MYEOV: variants seen among roughly 807,000 people sequenced by gnomAD.
MYEOV encodes the protein myeloma overexpressed.
In MYEOV, 4 loss-of-function variants were observed where a neutral mutation model predicts 4.5. That is an observed-to-expected ratio of 0.89 (90% CI 0.44 to 2.03). MYEOV has a LOEUF of 2.03. MYEOV is among the 30% of genes most tolerant of loss of function. MYEOV has a pLI of 0.03. For missense variants in MYEOV, 408 were observed against 412.8 expected (o/e 0.99, Z 0.10); for synonymous variants, 184 against 170.3 (o/e 1.08, Z -0.63).
chr11:69,297,015 A>G lies in MYEOV; in HGVS notation c.*623A>G, dbSNP rs1309825125. On this transcript the variant is annotated 3_prime_UTR_variant, in exon 3 of 3. Transcript: ENST00000441339. The stretch of plus-strand genomic sequence containing the variant: ...TCCAGGGAGAAATCTAAGGCGTCAG[A>G]ATGTAAGGTTCTTATTGGAACCCAG... 1 of 152,176 alleles carries G rather than the reference A, an allele frequency of 6.6e-6. No homozygotes were observed. Among genetic ancestry groups the G allele is most frequent in the Non-Finnish European group, 1.5e-5 (1 of 68,024 alleles). The allele number at this position is 152,176 out of a possible 1,614,324, so 9.4% of individuals were successfully genotyped here.
At position 69,295,935 on chromosome 11, in the gene MYEOV, T is replaced by C. The variant is rs1855175216; in HGVS notation, c.485T>C (p.Val162Ala). The C allele has an allele frequency of 6.2e-7, 1 of 1,614,004 alleles. No individual in the cohort carries two copies. Among genetic ancestry groups the C allele is most frequent in the Admixed American group, 1.7e-5 (1 of 60,006 alleles). ...SGSQSARVVG[V>A]AHLGEAFRVG... ...AGTCAGTCTGCAAGGGTGGTGGGCGTTGCTCACCTGGGAGAAGCCTTTAGA... is the reference window on the plus strand; with the variant it reads ...AGTCAGTCTGCAAGGGTGGTGGGCGCTGCTCACCTGGGAGAAGCCTTTAGA... The change falls in exon 3 of 3, where the codon GTT becomes GCT. Residue 162 changes from valine (V) to alanine (A), a missense_variant. Transcript: ENST00000441339. This position sits in a 1 kb window ranked among gnomAD's most constrained non-coding sequence, Gnocchi z 4.1.
In MYEOV at chr11:69,296,055, C is replaced by G; in HGVS notation, c.605C>G (p.Ala202Gly). The G allele has an allele frequency of 6.2e-7, 1 of 1,614,146 alleles. No individual in the cohort carries two copies. The highest frequency in any genetic ancestry group is 2.2e-5 in the East Asian group (1 of 44,890). ...ATTATGTGGGCGCGAATGGATGTGGCTCTGCGCTCACCTGGGCGAGGACTT... is the reference window on the plus strand; with the variant it reads ...ATTATGTGGGCGCGAATGGATGTGGGTCTGCGCTCACCTGGGCGAGGACTT... Reference protein sequence around the residue: ...MEIMWARMDVALRSPGRGLLA... With the variant: ...MEIMWARMDVGLRSPGRGLLA... The change falls in exon 3 of 3, where the codon GCT becomes GGT. Residue 202 changes from alanine to glycine, a missense_variant. Ala to Gly is a moderately conservative substitution (Grantham distance 60). Transcript: ENST00000441339.
rs541673858 is a variant in MYEOV, at chr11:69,295,501, G to A, written c.141+6G>A. The stretch of plus-strand genomic sequence containing the variant: ...TGACCTTCCACCTCCACCAGGTGCC[G>A]ACACTTCCCTGACCCCAGTAACCTC... On this transcript the variant is annotated splice_donor_region_variant and intron_variant, in intron 2 of 2. Coordinates refer to ENST00000441339, the MANE Select transcript of MYEOV (RefSeq NM_001293291.2). This position sits in a 1 kb window ranked among gnomAD's most constrained non-coding sequence, Gnocchi z 4.1. 1.8e-5 allele frequency: 29 copies of A among 1,613,870 alleles called. No individual in the cohort carries two copies. Among genetic ancestry groups the A allele is most frequent in the African/African-American group, 4.0e-5 (3 of 74,910 alleles).
chr11:69,295,963 G>A lies in MYEOV; in HGVS notation c.513G>A (p.Val171=). The A allele has an allele frequency of 6.2e-7, 1 of 1,614,176 alleles. No homozygotes were observed. The highest frequency in any genetic ancestry group is 8.5e-7 in the Non-Finnish European group (1 of 1,180,028). The change falls in exon 3 of 3, where the codon GTG becomes GTA. Residue 171 remains valine (V), a synonymous_variant. Transcript: ENST00000441339. This position sits in a 1 kb window ranked among gnomAD's most constrained non-coding sequence, Gnocchi z 4.1. ...CTCACCTGGGAGAAGCCTTTAGAGT[G>A]GGCGTTGAGCAGGCCATTAGCTCGT... ...GVAHLGEAFR[V]GVEQAISSCP...
chr11:69,296,243 A>T lies in MYEOV; in HGVS notation c.793A>T (p.Thr265Ser), dbSNP rs773745545. The part of the protein sequence containing the change: ...RVAGSWLTVV[T>S]VEALGGWRMG... ...GGCTGGGTCCTGGCTGACTGTTGTG[A>T]CTGTTGAGGCCCTGGGGGGGTGGCG... Residue 265 changes from threonine (T) to serine (S), a missense_variant, in exon 3 of 3, where the codon ACT becomes TCT. Transcript: ENST00000441339. The T allele has an allele frequency of 1.2e-6, 2 of 1,602,052 alleles. No individual in the cohort carries two copies. The highest frequency in any genetic ancestry group is 1.7e-6 in the Non-Finnish European group (2 of 1,172,786).
Position 69,295,193 on chromosome 11 carries a change from C to CG in MYEOV, c.-122-36dup. Reference sequence around the variant, plus strand: ...ATGGTCAAGGAGGTCAGTGCCTTCCCGGGGTGGATTACGGATGGTAGTATC... The same window carrying CG: ...ATGGTCAAGGAGGTCAGTGCCTTCCCGGGGGTGGATTACGGATGGTAGTATC... On this transcript the variant is annotated intron_variant, in intron 1 of 2. Transcript: ENST00000441339. This position sits in a 1 kb window ranked among gnomAD's most constrained non-coding sequence, Gnocchi z 4.1. The CG allele has an allele frequency of 8.1e-7, 1 of 1,236,600 alleles. No homozygotes were observed. The highest frequency in any genetic ancestry group is 1.6e-5 in the South Asian group (1 of 64,184). The allele number at this position is 1,236,600 out of a possible 1,614,324, so 76.6% of individuals were successfully genotyped here.
In MYEOV at chr11:69,297,127, G is replaced by A. The variant is rs996904917; in HGVS notation, c.*735G>A. ...TGGCTGCTGGGGAGCTCAGAAGGGA[G>A]CTTTAGGCTTGCTCTCAGTCACCAC... On this transcript the variant is annotated 3_prime_UTR_variant, in exon 3 of 3. Coordinates refer to ENST00000441339, the MANE Select transcript of MYEOV (RefSeq NM_001293291.2). 2 of 152,210 alleles carry A rather than the reference G, an allele frequency of 1.3e-5. No homozygotes were observed. The highest frequency in any genetic ancestry group is 4.8e-5 in the African/African-American group (2 of 41,440). The allele number at this position is 152,210 out of a possible 1,614,324, so 9.4% of individuals were successfully genotyped here. A position where few individuals can be genotyped will look rare whatever the true frequency, so the allele number is the denominator to read the frequency against.
chr11:69,296,071 G>A lies in MYEOV; in HGVS notation c.621G>A (p.Gly207=), dbSNP rs759674711. ...TGGATGTGGCTCTGCGCTCACCTGGGCGAGGACTTCTGGCCGGTGCCGGGG... is the reference window on the plus strand; with the variant it reads ...TGGATGTGGCTCTGCGCTCACCTGGACGAGGACTTCTGGCCGGTGCCGGGG... ...ARMDVALRSP[G]RGLLAGAGAL... Residue 207 remains glycine, a synonymous_variant, in exon 3 of 3, where the codon GGG becomes GGA. Transcript: ENST00000441339. 3.7e-6 allele frequency: 6 copies of A among 1,614,082 alleles called. No homozygotes were observed. In the African/African-American group the frequency reaches 8.0e-5, roughly 22 times the overall value.
At position 69,295,956 on chromosome 11, in the gene MYEOV, T is replaced by A. The variant is rs1312502535; in HGVS notation, c.506T>A (p.Phe169Tyr). 6.2e-7 allele frequency: 1 copy of A among 1,613,952 alleles called. No homozygotes were observed. Among genetic ancestry groups the A allele is most frequent in the Non-Finnish European group, 8.5e-7 (1 of 1,179,998 alleles). Reference protein sequence around the residue: ...VVGVAHLGEAFRVGVEQAISS... With the variant: ...VVGVAHLGEAYRVGVEQAISS... ...GGCGTTGCTCACCTGGGAGAAGCCT[T>A]TAGAGTGGGCGTTGAGCAGGCCATT... Residue 169 changes from phenylalanine to tyrosine, a missense_variant, in exon 3 of 3, where the codon TTT becomes TAT. Physicochemically the swap from Phe to Tyr is conservative, Grantham distance 22. Transcript: ENST00000441339. The surrounding 1 kb of genome is among the most constrained non-coding windows in gnomAD (Gnocchi z 4.1).
Position 69,296,629 on chromosome 11 carries a change from T to C in MYEOV, c.*237T>C, listed in dbSNP as rs964035705. The C allele has an allele frequency of 1.4e-5, 6 of 430,272 alleles. No individual in the cohort carries two copies. Among genetic ancestry groups the C allele is most frequent in the Non-Finnish European group, 2.5e-5 (6 of 243,818 alleles). The allele number at this position is 430,272 out of a possible 1,614,324, so 26.7% of individuals were successfully genotyped here. A position where few individuals can be genotyped will look rare whatever the true frequency, so the allele number is the denominator to read the frequency against. On this transcript the variant is annotated 3_prime_UTR_variant, in exon 3 of 3. Transcript: ENST00000441339. ...CCTAACTAGACAATTTTTTATTGAG[T>C]GTCTCCCAGGTGCAGGCATGAGCCA...
At position 69,295,149 on chromosome 11, in the gene MYEOV, G is replaced by A. The variant is rs1462709825; in HGVS notation, c.-122-84G>A. On this transcript the variant is annotated intron_variant, in intron 1 of 2. Transcript: ENST00000441339. The surrounding 1 kb of genome is among the most constrained non-coding windows in gnomAD (Gnocchi z 4.1). ...GCCATGGGGACCCAGGCACAGAGCG[G>A]CGGCCTCTCATCCTCCCCATGGTCA... The A allele has an allele frequency of 8.0e-5, 63 of 784,282 alleles. 1 individual carries two copies. In the Admixed American group the frequency reaches 1.9e-3, roughly 24 times the overall value. The allele number at this position is 784,282 out of a possible 1,614,324, so 48.6% of individuals were successfully genotyped here.
rs1270694298 is a variant in MYEOV, at chr11:69,296,342, C to T, written c.892C>T (p.Leu298Phe). 11 of 1,499,332 alleles carry T rather than the reference C, an allele frequency of 7.3e-6. No homozygotes were observed. Among genetic ancestry groups the T allele is most frequent in the African/African-American group, 1.4e-5 (1 of 71,616 alleles). The allele number at this position is 1,499,332 out of a possible 1,614,324, so 92.9% of individuals were successfully genotyped here. ...PPPVSGASPL[L>F]LHHLLLLLLI... Reference sequence around the variant, plus strand: ...CCCAGTGTCAGGTGCTTCTCCTCTCCTCCTCCACCACCTCCTCCTCCTCCT... The same window carrying T: ...CCCAGTGTCAGGTGCTTCTCCTCTCTTCCTCCACCACCTCCTCCTCCTCCT... Residue 298 changes from leucine to phenylalanine, a missense_variant, in exon 3 of 3, where the codon CTC (leucine) becomes TTC (phenylalanine). Physicochemically the swap from Leu to Phe is conservative, Grantham distance 22 (BLOSUM62 0). Transcript: ENST00000441339.
At position 69,295,606 on chromosome 11, in the gene MYEOV, G is replaced by A. The variant is rs1272566889; in HGVS notation, c.156G>A (p.Gly52=). ...CTTGTCTGTAGTCTGTCCCCCTTGG[G>A]GACAGGGACTCGTTGCTCATGTTCA... ...TFHLHQSVPL[G]DRDSLLMFTR... The change falls in exon 3 of 3, where the codon GGG becomes GGA. Residue 52 remains glycine (G), a synonymous_variant. Coordinates refer to ENST00000441339, the MANE Select transcript of MYEOV (RefSeq NM_001293291.2). This position sits in a 1 kb window ranked among gnomAD's most constrained non-coding sequence, Gnocchi z 4.1. 4 of 1,613,480 alleles carry A rather than the reference G, an allele frequency of 2.5e-6. No homozygotes were observed. The highest frequency in any genetic ancestry group is 2.5e-6 in the Non-Finnish European group (3 of 1,179,758).
Position 69,296,566 on chromosome 11 carries a change from T to TCTCCTACCCTCTC in MYEOV, c.*176_*177insCCTACCCTCTCCT. On this transcript the variant is annotated 3_prime_UTR_variant, in exon 3 of 3. Coordinates refer to ENST00000441339, the MANE Select transcript of MYEOV (RefSeq NM_001293291.2). ...CTCTCCCAACTCTCCTACCCTCTCC[T>TCTCCTACCCTCTC]CTTCCTTCTCCTTTCTCCCATTCTT... 4.1e-6 allele frequency: 2 copies of TCTCCTACCCTCTC among 484,606 alleles called. No homozygotes were observed. The highest frequency in any genetic ancestry group is 7.2e-6 in the Non-Finnish European group (2 of 278,408). The allele number at this position is 484,606 out of a possible 1,614,324, so 30.0% of individuals were successfully genotyped here.
rs777485405 is a variant in MYEOV at position 69,295,505 on chromosome 11, C to T, written c.141+10C>T. 7.4e-6 allele frequency: 12 copies of T among 1,614,028 alleles called. No homozygotes were observed. The highest frequency in any genetic ancestry group is 1.1e-5 in the South Asian group (1 of 91,050). On this transcript the variant is annotated intron_variant, in intron 2 of 2. Transcript: ENST00000441339. The surrounding 1 kb of genome is among the most constrained non-coding windows in gnomAD (Gnocchi z 4.1). ...CTTCCACCTCCACCAGGTGCCGACACTTCCCTGACCCCAGTAACCTCTTCT... is the reference window on the plus strand; with the variant it reads ...CTTCCACCTCCACCAGGTGCCGACATTTCCCTGACCCCAGTAACCTCTTCT...
At position 69,296,321 on chromosome 11, in the gene MYEOV, G is replaced by C; in HGVS notation, c.871G>C (p.Val291Leu). Reference sequence around the variant, plus strand: ...GGGGCCCACTATGCACCCACCCCCAGTGTCAGGTGCTTCTCCTCTCCTCCT... The same window carrying C: ...GGGGCCCACTATGCACCCACCCCCACTGTCAGGTGCTTCTCCTCTCCTCCT... ...QVGPTMHPPP[V>L]SGASPLLLHH... The change falls in exon 3 of 3, where the codon GTG (valine) becomes CTG (leucine). Residue 291 changes from valine (V) to leucine (L), a missense_variant. Transcript: ENST00000441339. The C allele has an allele frequency of 6.6e-7, 1 of 1,519,002 alleles. No homozygotes were observed. Among genetic ancestry groups the C allele is most frequent in the Non-Finnish European group, 8.8e-7 (1 of 1,133,518 alleles). 94.1% of individuals were successfully genotyped at this position (1,519,002 alleles called of 1,614,324 possible). A position where few individuals can be genotyped will look rare whatever the true frequency, so the allele number is the denominator to read the frequency against.
At position 69,295,320 on chromosome 11, in the gene MYEOV, C is replaced by T. The variant is rs781610395; in HGVS notation, c.-35C>T. Reference sequence around the variant, plus strand: ...TAACACCTCTAACAACTTCCCCTGGCACTTAGGACAGCGTCTGGCTCCTTC... The same window carrying T: ...TAACACCTCTAACAACTTCCCCTGGTACTTAGGACAGCGTCTGGCTCCTTC... On this transcript the variant is annotated 5_prime_UTR_variant, in exon 2 of 3. Transcript: ENST00000441339. This position sits in a 1 kb window ranked among gnomAD's most constrained non-coding sequence, Gnocchi z 4.1. 9.0e-6 allele frequency: 14 copies of T among 1,561,436 alleles called. No individual in the cohort carries two copies. The highest frequency in any genetic ancestry group is 1.2e-5 in the Non-Finnish European group (14 of 1,152,224).
Position 69,295,672 on chromosome 11 carries a change from C to T in MYEOV, c.222C>T (p.Gly74=). ...ACTTCGTGGAGGGCTCCAAAGCCGG[C>T]AGATCCCGGGGCCGCCTCTGTCTCT... is the stretch of plus-strand genomic sequence containing the variant. ...AGHFVEGSKA[G]RSRGRLCLSQ... The change falls in exon 3 of 3, where the codon GGC becomes GGT. Residue 74 remains glycine (G), a synonymous_variant. Coordinates refer to ENST00000441339, the MANE Select transcript of MYEOV (RefSeq NM_001293291.2). This position sits in a 1 kb window ranked among gnomAD's most constrained non-coding sequence, Gnocchi z 4.1. 6.2e-7 allele frequency: 1 copy of T among 1,614,136 alleles called. No individual in the cohort carries two copies. Among genetic ancestry groups the T allele is most frequent in the Middle Eastern group, 1.6e-4 (1 of 6,062 alleles).
Position 69,295,585 on chromosome 11 carries a change from T to C in MYEOV, c.142-7T>C. On this transcript the variant is annotated splice_region_variant and splice_polypyrimidine_tract_variant and intron_variant, in intron 2 of 2. Coordinates refer to ENST00000441339, the MANE Select transcript of MYEOV (RefSeq NM_001293291.2). The surrounding 1 kb of genome is among the most constrained non-coding windows in gnomAD (Gnocchi z 4.1). Reference sequence around the variant, plus strand: ...TCTGATTTATTCATCGGTTTTCTTGTCTGTAGTCTGTCCCCCTTGGGGACA... The same window carrying C: ...TCTGATTTATTCATCGGTTTTCTTGCCTGTAGTCTGTCCCCCTTGGGGACA... 1 of 1,612,538 alleles carries C rather than the reference T, an allele frequency of 6.2e-7. No individual in the cohort carries two copies. Among genetic ancestry groups the C allele is most frequent in the Non-Finnish European group, 8.5e-7 (1 of 1,179,138 alleles).
Sources: allele counts gnomAD v4.1 joint callset, GRCh38; gene constraint gnomAD v4.1.1; non-coding constraint Gnocchi (gnomAD v3.1); transcripts MANE v1.5; gene names NCBI Gene and HGNC (gene_info 2026-07-23, HGNC 2026-07-21).